PLEKHG7: variants seen among roughly 807,000 people sequenced by gnomAD.
The protein encoded by PLEKHG7 is pleckstrin homology domain-containing family G member 7.
A neutral mutation model predicts 85.2 loss-of-function variants in PLEKHG7; 77 were observed. That is an observed-to-expected ratio of 0.90 (90% CI 0.75 to 1.09). The LOEUF (loss-of-function observed/expected upper bound fraction) is 1.09, where lower values mean the gene tolerates loss of function less well. Ranked by LOEUF, PLEKHG7 falls within the 50% of genes least tolerant of loss-of-function variation. The pLI, the probability that PLEKHG7 is intolerant of heterozygous loss-of-function variation, is 0.00. For missense variants in PLEKHG7, 777 were observed against 804.3 expected, an observed-to-expected ratio of 0.97 and a Z score of 0.41; for synonymous variants, 301 against 302.4, an observed-to-expected ratio of 1.00 and a Z score of 0.05.
At chr12:92,745,840 A>T (rs1298964250) in intron 10 of PLEKHG7, among the ~76,000 whole-genome samples, 1 of 152,208 alleles carries the variant, frequency 6.6e-6, no homozygotes, top group Non-Finnish European at 1.5e-5. Context: ...GGGCTTAAAA[A>T]TGTTTTCTTG....
intron 1 of PLEKHG7, among the ~76,000 whole-genome samples, chr12:92,703,667 A>C (rs1008988350): frequency 1.3e-5 from 2 of 152,150 alleles, no homozygotes; most frequent in Non-Finnish European, 2.9e-5. Flanking sequence ...CTGGTGCTTG[A>C]GCTCTTCCTG....
chr12:92,723,538 G>A (rs573427932), intron 3 of PLEKHG7, among the ~76,000 whole-genome samples: 3 of 152,276 alleles, frequency 2.0e-5, no homozygotes, highest in African/African-American at 7.2e-5. Context: ...TCAATAATCA[G>A]TCTAATAGCA....
intron 3 of PLEKHG7, among the ~76,000 whole-genome samples, chr12:92,713,166 T>C (rs1871397805): frequency 1.3e-5 from 2 of 152,322 alleles, no homozygotes; most frequent in South Asian, 4.1e-4. Flanking sequence ...AGTAATGTAG[T>C]GGGGTCCTTC....
At chr12:92,724,790 A>G (rs764070406) in intron 3 of PLEKHG7, among the ~76,000 whole-genome samples, 1 of 152,162 alleles carries the variant, frequency 6.6e-6, no homozygotes, top group Non-Finnish European at 1.5e-5. Context: ...CTCATCAGCC[A>G]GGTTTGGGTC....
chr12:92,762,503 T>G (rs1214966801), intron 14 of PLEKHG7, among the ~76,000 whole-genome samples: 1 of 152,196 alleles, frequency 6.6e-6, no homozygotes, highest in East Asian at 1.9e-4. Context: ...TATTTGTTAC[T>G]GTTATTGTTG....
intron 3 of PLEKHG7, chr12:92,707,907 C>G: frequency 1.7e-6 from 1 of 598,992 alleles, no homozygotes; most frequent in South Asian, 2.5e-5. Context: ...TCATAGTTTT[C>G]ATTTTGAATT....
chr12:92,721,581 C>A, intron 3 of PLEKHG7: 1 of 1,184,124 alleles, frequency 8.4e-7, no homozygotes, highest in Non-Finnish European at 1.1e-6. Context: ...GTGGGGAAAG[C>A]CAGTGGAAGG....
intron 9 of PLEKHG7, among the ~76,000 whole-genome samples, chr12:92,742,973 A>G (rs553086444): frequency 6.6e-6 from 1 of 152,350 alleles, no homozygotes; most frequent in Non-Finnish European, 1.5e-5. Context: ...CTAAGGGTCT[A>G]TAATAAACCC....
At chr12:92,757,494 G>C (rs1872867058) in intron 13 of PLEKHG7, among the ~76,000 whole-genome samples, 1 of 152,152 alleles carries the variant, frequency 6.6e-6, no homozygotes, top group Non-Finnish European at 1.5e-5. Flanking sequence ...CTCTATTTTA[G>C]AGGTAGTCTG....
At chr12:92,741,446 C>T (rs767910648) in intron 8 of PLEKHG7, 45 bp from the exon 9 acceptor site, 3 of 1,301,998 alleles carry the variant, frequency 2.3e-6, no homozygotes, top group East Asian at 4.7e-5. Flanking sequence ...TATTCCTTAA[C>T]CCTGGGTGTG....
At chr12:92,737,574 TG>T in intron 7 of PLEKHG7, 53 bp downstream of exon 7, 2 of 1,541,944 alleles carry the variant, frequency 1.3e-6, no homozygotes, top group Non-Finnish European at 1.8e-6. Context: ...TTTGTTTTTT[TG>T]GGCACTTGTT....
intron 13 of PLEKHG7, among the ~76,000 whole-genome samples, chr12:92,756,972 G>C (rs1294330916): frequency 6.6e-6 from 1 of 152,186 alleles, no homozygotes; most frequent in African/African-American, 2.4e-5. Context: ...AGGTGGGCTT[G>C]GAGGGGCAGG....
At chr12:92,752,141 G>T (rs1446218962) in intron 10 of PLEKHG7, among the ~76,000 whole-genome samples, 8 of 152,100 alleles carry the variant, frequency 5.3e-5, no homozygotes, top group Admixed American at 3.3e-4. Flanking sequence ...GAGGCTAGGA[G>T]ATAAAAGGGG....
rs771536837 is a variant in PLEKHG7, at chr12:92,770,245, T to A, written c.*50T>A. On this transcript the variant is annotated 3_prime_UTR_variant, in exon 17 of 17. Coordinates refer to ENST00000344636, the MANE Select transcript of PLEKHG7 (RefSeq NM_001377329.1). Reference sequence around the variant, plus strand: ...TTTTAGAAGATTATGGTTTAAGGTATAATTTCATTCAAAGTTTTGTAACAC... The same window carrying A: ...TTTTAGAAGATTATGGTTTAAGGTAAAATTTCATTCAAAGTTTTGTAACAC... The A allele has an allele frequency of 3.0e-6, 4 of 1,328,372 alleles. No individual in the cohort carries two copies. The highest frequency in any genetic ancestry group is 4.2e-6 in the Non-Finnish European group (4 of 948,222). The allele number at this position is 1,328,372 out of a possible 1,614,324, so 82.3% of individuals were successfully genotyped here. A position where few individuals can be genotyped will look rare whatever the true frequency, so the allele number is the denominator to read the frequency against.
intron 13 of PLEKHG7, 86 bp from the exon 14 acceptor site, chr12:92,761,652 AAGAAAGAAAGAAAG>A (rs1873024912): frequency 4.2e-6 from 5 of 1,180,316 alleles, no homozygotes; most frequent in African/African-American, 3.4e-5. Flanking sequence ...GAAAGAAAGA[AAGAAAGAAAGAAAG>A]AAAGAAAGAA....
intron 3 of PLEKHG7, among the ~76,000 whole-genome samples, chr12:92,716,610 C>G (rs1218161007): frequency 6.6e-6 from 1 of 152,198 alleles, no homozygotes; most frequent in Non-Finnish European, 1.5e-5. Context: ...GAAAAAAAAT[C>G]TTCACAATTC....
chr12:92,734,725 T>A (rs559587538), intron 5 of PLEKHG7, among the ~76,000 whole-genome samples: 1 of 152,322 alleles, frequency 6.6e-6, no homozygotes, highest in South Asian at 2.1e-4. Context: ...CTCATTGATT[T>A]GTCAACCACT....
chr12:92,731,632 G>A (rs1415588470), intron 4 of PLEKHG7, among the ~76,000 whole-genome samples: 3 of 152,202 alleles, frequency 2.0e-5, no homozygotes, highest in Non-Finnish European at 4.4e-5. Flanking sequence ...TCCAAATAAT[G>A]AGGGATTGAA....
At chr12:92,747,777 G>C (rs1872575465) in intron 10 of PLEKHG7, among the ~76,000 whole-genome samples, 1 of 152,210 alleles carries the variant, frequency 6.6e-6, no homozygotes, top group Admixed American at 6.5e-5. Flanking sequence ...AGGTCATTAA[G>C]TGAAATAAGC....
Sources: gnomAD v4.1 joint callset for allele counts (sites outside exome capture counted in the v4.1 genomes callset) on GRCh38, gnomAD v4.1.1 for gene constraint, MANE v1.5 for transcripts, NCBI Gene and HGNC (gene_info 2026-07-23, HGNC 2026-07-21) for gene names.